MAP2: variants seen among roughly 807,000 people sequenced by gnomAD.
MAP2 encodes the protein microtubule associated protein 2.
In MAP2, 14 loss-of-function variants were observed where a neutral mutation model predicts 137.6. That is an observed-to-expected ratio of 0.10 (90% CI 0.07 to 0.16). The LOEUF (loss-of-function observed/expected upper bound fraction) is 0.16, where lower values mean the gene tolerates loss of function less well. Among genes scored for constraint, MAP2 ranks in the 10% least tolerant of loss-of-function variants. The pLI is 1.00. For synonymous variants in MAP2, 786 were observed against 782.3 expected (o/e 1.00, Z -0.08); for missense variants, 2,088 against 2,191.5 (o/e 0.95, Z 0.94).
chr2:209,533,864 G>A (rs999951352), intron 2 of MAP2, among the ~76,000 whole-genome samples: 1 of 152,142 alleles, frequency 6.6e-6, no homozygotes. Flanking sequence ...AAGGGGAGCC[G>A]GTCTAGGTAA....
intron 5 of MAP2, among the ~76,000 whole-genome samples, chr2:209,657,286 A>AT (rs1276691670): frequency 6.6e-6 from 1 of 152,226 alleles, no homozygotes; most frequent in African/African-American, 2.4e-5. Context: ...CATTGGGTAG[A>AT]TACCCAGTAG....
At chr2:209,586,129 A>T (rs1354167750) in intron 3 of MAP2, among the ~76,000 whole-genome samples, 2 of 152,152 alleles carry the variant, frequency 1.3e-5, no homozygotes, top group Non-Finnish European at 2.9e-5. Context: ...AAATACACTT[A>T]AGGAGTCCGG....
At chr2:209,570,843 A>G (rs966271317) in intron 2 of MAP2, among the ~76,000 whole-genome samples, 1 of 151,916 alleles carries the variant, frequency 6.6e-6, no homozygotes, top group East Asian at 1.9e-4. Context: ...TGGGTAATGG[A>G]TTTTTGTGAA....
At chr2:209,488,667 G>T (rs751984487) in intron 1 of MAP2, among the ~76,000 whole-genome samples, 1 of 152,184 alleles carries the variant, frequency 6.6e-6, no homozygotes, top group Non-Finnish European at 1.5e-5. Context: ...AAACAAAGCT[G>T]CCAGGCAGTT....
At chr2:209,717,170 G>T (rs546259837) in intron 13 of MAP2, among the ~76,000 whole-genome samples, 1 of 152,274 alleles carries the variant, frequency 6.6e-6, no homozygotes, top group East Asian at 1.9e-4. Context: ...AAGAAAAGAG[G>T]TTTAATTGAC....
At chr2:209,660,255 C>T (rs2042794220) in intron 5 of MAP2, among the ~76,000 whole-genome samples, 1 of 152,088 alleles carries the variant, frequency 6.6e-6, no homozygotes, top group Non-Finnish European at 1.5e-5. Flanking sequence ...CCAGGCTTTG[C>T]GTTGTCACTT....
At chr2:209,670,955 G>A (rs1053453284) in intron 5 of MAP2, among the ~76,000 whole-genome samples, 18 of 151,910 alleles carry the variant, frequency 1.2e-4, no homozygotes, top group Non-Finnish European at 2.5e-4. Context: ...ATTGTCTATA[G>A]CAGGTGCAAA....
intron 3 of MAP2, among the ~76,000 whole-genome samples, chr2:209,598,457 T>A (rs59518433): frequency 6.6e-6 from 1 of 151,638 alleles, no homozygotes; most frequent in African/African-American, 2.4e-5. Context: ...ATTTTTATTT[T>A]ATTATTATAC....
intron 13 of MAP2, 62 bp downstream of exon 13, chr2:209,710,316 T>A: frequency 7.4e-7 from 1 of 1,348,030 alleles, no homozygotes; most frequent in East Asian, 2.5e-5. Context: ...CTTCTTCATA[T>A]TGAAAACTAA....
intron 3 of MAP2, among the ~76,000 whole-genome samples, chr2:209,610,436 A>G (rs2086425681): frequency 6.6e-6 from 1 of 151,738 alleles, no homozygotes; most frequent in Non-Finnish European, 1.5e-5. Context: ...GAAAATGTGT[A>G]TTGTTTTTAC....
intron 1 of MAP2, among the ~76,000 whole-genome samples, chr2:209,502,244 C>G (rs1271803434): frequency 1.3e-5 from 2 of 152,088 alleles, no homozygotes; most frequent in African/African-American, 4.8e-5. Context: ...CTAACATGTC[C>G]TCATTTCGCC....
intron 1 of MAP2, among the ~76,000 whole-genome samples, chr2:209,433,113 A>C (rs572840097): frequency 6.6e-6 from 1 of 152,142 alleles, no homozygotes; most frequent in Non-Finnish European, 1.5e-5. Context: ...AATGTGGAAA[A>C]TATCAGAAGA....
In MAP2 at chr2:209,575,312, A is replaced by C. The variant is rs1052534004; in HGVS notation, c.-171-4724A>C. 2.6e-5 allele frequency among the ~76,000 whole-genome samples: 4 copies of C among 151,998 alleles called. No individual in the cohort carries two copies. The East Asian group carries it at 7.8e-4, about 30-fold the overall frequency. ...CAAGGCGGGCGGATCACGAGGTCAG[A>C]AGATCGAGACCATCCTGGCTAACAC... is the stretch of plus-strand genomic sequence containing the variant. On this transcript the variant is annotated intron_variant, in intron 2 of 15. Transcript: ENST00000682079.
At position 209,705,253 on chromosome 2, in the gene MAP2, A is replaced by T. The variant is rs1259234254; in HGVS notation, c.4585-327A>T. ...TACTCTCAGTCCTTTCTGATTAATA[A>T]ATTATCATGCTAATGAAGATTTTTC... is the stretch of plus-strand genomic sequence containing the variant. On this transcript the variant is annotated intron_variant, in intron 11 of 15. Coordinates refer to ENST00000682079, the MANE Select transcript of MAP2 (RefSeq NM_001375505.1). The T allele has an allele frequency of 1.7e-5, 3 of 171,888 alleles. 1 individual carries two copies. Among genetic ancestry groups the T allele is most frequent in the Non-Finnish European group, 3.7e-5 (3 of 81,002 alleles). 10.6% of individuals were successfully genotyped at this position (171,888 alleles called of 1,614,324 possible).
chr2:209,659,444 C>T (rs2042392006), intron 5 of MAP2, among the ~76,000 whole-genome samples: 1 of 152,188 alleles, frequency 6.6e-6, no homozygotes, highest in Admixed American at 6.5e-5. Flanking sequence ...TCTTGCCCTA[C>T]AGACCAGTGC....
intron 2 of MAP2, among the ~76,000 whole-genome samples, chr2:209,514,204 A>C (rs2062136480): frequency 6.6e-6 from 1 of 152,126 alleles, no homozygotes; most frequent in African/African-American, 2.4e-5. Context: ...ATATTAATAT[A>C]CTATGCTAAA....
chr2:209,513,546 A>G (rs1404742503), intron 2 of MAP2, among the ~76,000 whole-genome samples: 2 of 122,594 alleles, frequency 1.6e-5, no homozygotes, highest in African/African-American at 5.3e-5. Flanking sequence ...CTATAGAGCT[A>G]CATATATGTG....
At chr2:209,728,693 C>A (rs1043167479) in intron 14 of MAP2, among the ~76,000 whole-genome samples, 1 of 152,114 alleles carries the variant, frequency 6.6e-6, no homozygotes, top group Admixed American at 6.5e-5. Context: ...TCCAAAATTG[C>A]AAAATCTCTT....
chr2:209,607,158 G>A (rs1476641740), intron 3 of MAP2, among the ~76,000 whole-genome samples: 5 of 152,008 alleles, frequency 3.3e-5, no homozygotes, highest in African/African-American at 1.2e-4. Flanking sequence ...ATACACTTGG[G>A]AACCATATAA....
Sources: gnomAD v4.1 joint callset for allele counts (sites outside exome capture counted in the v4.1 genomes callset) on GRCh38, gnomAD v4.1.1 for gene constraint, MANE v1.5 for transcripts, NCBI Gene and HGNC (gene_info 2026-07-23, HGNC 2026-07-21) for gene names.